LYN: variants seen among roughly 807,000 people sequenced by gnomAD.
LYN encodes LYN proto-oncogene, Src family tyrosine kinase.
In LYN, 12 loss-of-function variants were observed where a neutral mutation model predicts 65.0. That is an observed-to-expected ratio of 0.18 (90% CI 0.12 to 0.30). The LOEUF is 0.30. Ranked by LOEUF, LYN falls within the 10% of genes least tolerant of loss-of-function variation. The pLI is 1.00. For missense variants in LYN, 380 were observed against 623.2 expected, an observed-to-expected ratio of 0.61 and a Z score of 4.16; for synonymous variants, 222 against 221.2, an observed-to-expected ratio of 1.00 and a Z score of -0.03.
chr8:55,972,230 A>C (rs1807629078), intron 10 of LYN, among the ~76,000 whole-genome samples: 1 of 152,184 alleles, frequency 6.6e-6, no homozygotes, highest in South Asian at 2.1e-4. Context: ...ATGTTCATTC[A>C]GCACAAAATT....
In LYN at chr8:55,967,512, C is replaced by T. The variant is rs189859910; in HGVS notation, c.973+615C>T. Among the ~76,000 whole-genome samples the T allele has an allele frequency of 6.6e-3, 998 of 151,930 alleles. 10 individuals are homozygous for T. Among genetic ancestry groups the T allele is most frequent in the African/African-American group, 0.023 (935 of 41,438 alleles). On this transcript the variant is annotated intron_variant, in intron 9 of 12. Coordinates refer to ENST00000519728, the MANE Select transcript of LYN (RefSeq NM_002350.4). The stretch of plus-strand genomic sequence containing the variant: ...TGTATTTTTAGTAGAGATGGGGTTT[C>T]GCCATGTTGGCCAGGCTGGTCTCGA...
chr8:55,897,235 C>G (rs945504751), intron 1 of LYN, among the ~76,000 whole-genome samples: 4 of 152,164 alleles, frequency 2.6e-5, no homozygotes, highest in Non-Finnish European at 4.4e-5. Context: ...AACTTTGATT[C>G]ATGTGACGCC....
chr8:55,943,320 G>T (rs1175817733), intron 2 of LYN, among the ~76,000 whole-genome samples: 7 of 152,074 alleles, frequency 4.6e-5, no homozygotes, highest in Non-Finnish European at 1.0e-4. Context: ...GAATTTTCAG[G>T]CTGGGCATGG....
At chr8:55,948,598 T>C (rs559003643) in intron 4 of LYN, among the ~76,000 whole-genome samples, 1 of 152,338 alleles carries the variant, frequency 6.6e-6, no homozygotes, top group Admixed American at 6.5e-5. Context: ...TTGCTTTAAT[T>C]CTAGCTTGCT....
At chr8:55,975,404 G>A (rs910169419) in intron 10 of LYN, among the ~76,000 whole-genome samples, 1 of 152,194 alleles carries the variant, frequency 6.6e-6, no homozygotes, top group African/African-American at 2.4e-5. Flanking sequence ...GGGAGGCACA[G>A]GTTGGGTTTC....
rs764933395 is a variant in LYN at position 55,969,741 on chromosome 8, G to A, written c.998G>A (p.Ser333Asn). The A allele has an allele frequency of 1.2e-5, 20 of 1,614,152 alleles. No individual in the cohort carries two copies. Among genetic ancestry groups the A allele is most frequent in the Non-Finnish European group, 1.6e-5 (19 of 1,179,970 alleles). ...GGCAGTTTGCTGGATTTCCTGAAGAGCGATGAAGGTGGCAAAGTGCTGCTT... is the reference window on the plus strand; with the variant it reads ...GGCAGTTTGCTGGATTTCCTGAAGAACGATGAAGGTGGCAAAGTGCTGCTT... ...AKGSLLDFLKSDEGGKVLLPK... is the reference protein window; with the variant it reads ...AKGSLLDFLKNDEGGKVLLPK... Residue 333 changes from serine (S) to asparagine (N), a missense_variant, in exon 10 of 13, where the codon AGC becomes AAC. By Grantham distance (46) the Ser-to-Asn change is conservative. Transcript: ENST00000519728.
intron 10 of LYN, among the ~76,000 whole-genome samples, chr8:55,972,777 T>A (rs1161887090): frequency 6.6e-6 from 1 of 152,244 alleles, no homozygotes; most frequent in Non-Finnish European, 1.5e-5. Flanking sequence ...GATACTTCGA[T>A]AATCCAACCT....
intron 12 of LYN, among the ~76,000 whole-genome samples, chr8:56,002,602 C>A (rs935660611): frequency 3.8e-5 from 5 of 131,580 alleles, no homozygotes; most frequent in Admixed American, 2.2e-4. Flanking sequence ...GACTCCATCT[C>A]AAAAATTAAA....
intron 1 of LYN, among the ~76,000 whole-genome samples, chr8:55,914,615 AG>A (rs1043515636): frequency 2.6e-5 from 4 of 152,114 alleles, no homozygotes; most frequent in African/African-American, 9.7e-5. Flanking sequence ...CTCCATTTTC[AG>A]GAATTTTGTT....
intron 1 of LYN, among the ~76,000 whole-genome samples, chr8:55,890,617 G>A (rs1239583493): frequency 1.3e-5 from 2 of 152,140 alleles, no homozygotes; most frequent in Non-Finnish European, 2.9e-5. Context: ...GGGTCTCAGA[G>A]ATGTTTGTAC....
intron 1 of LYN, among the ~76,000 whole-genome samples, chr8:55,939,941 G>A (rs1418350812): frequency 4.6e-5 from 7 of 152,298 alleles, no homozygotes; most frequent in African/African-American, 1.7e-4. Flanking sequence ...ACTGCAGCTC[G>A]CTAGTTTCAG....
chr8:55,892,796 T>C (rs1467619710), intron 1 of LYN, among the ~76,000 whole-genome samples: 1 of 152,120 alleles, frequency 6.6e-6, no homozygotes, highest in Non-Finnish European at 1.5e-5. Flanking sequence ...TGTGTGTGTA[T>C]GTGTGTGTAT....
chr8:55,984,253 T>C (rs1238380325), intron 10 of LYN, among the ~76,000 whole-genome samples: 1 of 152,154 alleles, frequency 6.6e-6, no homozygotes, highest in African/African-American at 2.4e-5. Flanking sequence ...GGGGGGACAT[T>C]AGTTAATCCA....
chr8:56,002,426 TA>T (rs200330287), intron 12 of LYN, among the ~76,000 whole-genome samples: 162 of 135,886 alleles, frequency 1.2e-3, no homozygotes, highest in Middle Eastern at 3.7e-3. Context: ...CTTAAAAAAA[TA>T]AAAAAAAAAA....
At chr8:55,915,304 G>C (rs1356363444) in intron 1 of LYN, among the ~76,000 whole-genome samples, 1 of 152,008 alleles carries the variant, frequency 6.6e-6, no homozygotes, top group Non-Finnish European at 1.5e-5. Context: ...TGCTATCCAG[G>C]TTTATTTATA....
chr8:55,987,574 A>G (rs1159116839), intron 10 of LYN, among the ~76,000 whole-genome samples: 1 of 152,038 alleles, frequency 6.6e-6, no homozygotes, highest in Non-Finnish European at 1.5e-5. Flanking sequence ...CCGCCACCAC[A>G]CCTAGCTAAG....
intron 12 of LYN, among the ~76,000 whole-genome samples, chr8:56,002,980 A>G (rs1420472861): frequency 1.3e-5 from 2 of 152,100 alleles, no homozygotes; most frequent in East Asian, 1.9e-4. Flanking sequence ...AAAACTGCAT[A>G]TGGGAGAGAA....
intron 1 of LYN, among the ~76,000 whole-genome samples, chr8:55,930,542 C>T (rs781093303): frequency 5.0e-4 from 76 of 152,108 alleles, no homozygotes; most frequent in Non-Finnish European, 1.0e-3. Context: ...GGTCTATTTC[C>T]CTACCTTACG....
chr8:55,945,544 T>C (rs1209238793), intron 2 of LYN, among the ~76,000 whole-genome samples: 1 of 152,248 alleles, frequency 6.6e-6, no homozygotes, highest in African/African-American at 2.4e-5. Context: ...TCCCATTCTG[T>C]GAAGCCACTT....
Sources: gnomAD v4.1 joint callset for allele counts (sites outside exome capture counted in the v4.1 genomes callset) on GRCh38, gnomAD v4.1.1 for gene constraint, MANE v1.5 for transcripts, NCBI Gene and HGNC (gene_info 2026-07-23, HGNC 2026-07-21) for gene names.